RAP1GDS1: variants seen among roughly 807,000 people sequenced by gnomAD.
RAP1GDS1 encodes RAP1, GTP-GDP dissociation stimulator 1.
Under a neutral mutation model 71.1 loss-of-function variants are expected in RAP1GDS1, and 35 were observed. The ratio of observed to expected loss-of-function variants is 0.49; its 90% CI spans 0.38 to 0.65. The LOEUF is 0.65. Among genes scored for constraint, RAP1GDS1 ranks in the 30% least tolerant of loss-of-function variants. The pLI is 0.00. For missense variants in RAP1GDS1, 663 were observed against 706.1 expected, an observed-to-expected ratio of 0.94 and a Z score of 0.69; for synonymous variants, 229 against 243.1, an observed-to-expected ratio of 0.94 and a Z score of 0.54.
At chr4:98,300,553 C>A (rs113147501) in intron 2 of RAP1GDS1, among the ~76,000 whole-genome samples, 4 of 152,148 alleles carry the variant, frequency 2.6e-5, no homozygotes, top group African/African-American at 9.6e-5. Flanking sequence ...ATGCCCACCA[C>A]CACACCCAGC....
At chr4:98,392,257 G>T (rs950958026) in intron 6 of RAP1GDS1, 177 bp downstream of exon 6, 1 of 559,446 alleles carries the variant, frequency 1.8e-6, no homozygotes, top group Non-Finnish European at 2.9e-6. Flanking sequence ...TCTTATGATT[G>T]CATTGTTTAT....
chr4:98,343,605 ATGTT>A (rs1207558000), intron 3 of RAP1GDS1, among the ~76,000 whole-genome samples: 1 of 152,152 alleles, frequency 6.6e-6, no homozygotes, highest in Non-Finnish European at 1.5e-5. Flanking sequence ...TTAAATATTT[ATGTT>A]TGTTTGTGTT....
At chr4:98,402,794 CT>C (rs1284707396) in intron 6 of RAP1GDS1, among the ~76,000 whole-genome samples, 1 of 152,172 alleles carries the variant, frequency 6.6e-6, no homozygotes, top group Non-Finnish European at 1.5e-5. Flanking sequence ...TGGACACCTG[CT>C]TTATACCAGG....
chr4:98,441,379 T>C, intron 14 of RAP1GDS1: 4 of 985,036 alleles, frequency 4.1e-6, no homozygotes, highest in Non-Finnish European at 4.8e-6. Context: ...GGGAGTCCAG[T>C]GTCACAGAAA....
chr4:98,442,207 A>G lies in RAP1GDS1; in HGVS notation c.*90A>G. ...CTTCCGCTTCATTCTCTACCATACC[A>G]CTTGTGCATGCATGTGATGTTCTAA... is the stretch of plus-strand genomic sequence containing the variant. On this transcript the variant is annotated 3_prime_UTR_variant, in exon 15 of 15. Transcript: ENST00000408927. 2 of 1,500,968 alleles carry G rather than the reference A, an allele frequency of 1.3e-6. No individual in the cohort carries two copies. Among genetic ancestry groups the G allele is most frequent in the Non-Finnish European group, 1.8e-6 (2 of 1,113,024 alleles). 93.0% of individuals were successfully genotyped at this position (1,500,968 alleles called of 1,614,324 possible).
intron 2 of RAP1GDS1, among the ~76,000 whole-genome samples, chr4:98,329,439 C>G (rs1440923775): frequency 6.6e-6 from 1 of 151,682 alleles, no homozygotes; most frequent in Non-Finnish European, 1.5e-5. Context: ...TATTAGTGTT[C>G]TAGAAAAAAA....
chr4:98,398,348 T>C (rs1484227675), intron 6 of RAP1GDS1, among the ~76,000 whole-genome samples: 1 of 152,028 alleles, frequency 6.6e-6, no homozygotes, highest in African/African-American at 2.4e-5. Flanking sequence ...AAATACAAAA[T>C]TTCCTACATT....
intron 12 of RAP1GDS1, 70 bp from the exon 13 acceptor site, chr4:98,433,866 G>T: frequency 6.9e-7 from 1 of 1,441,992 alleles, no homozygotes. Context: ...ACAATGAGTT[G>T]ACTGATTTTA....
intron 5 of RAP1GDS1, among the ~76,000 whole-genome samples, chr4:98,382,971 A>T (rs1202371446): frequency 1.3e-5 from 2 of 151,624 alleles, no homozygotes; most frequent in Non-Finnish European, 3.0e-5. Flanking sequence ...CCCATAGGTG[A>T]TCCACAAGCG....
intron 2 of RAP1GDS1, among the ~76,000 whole-genome samples, chr4:98,296,439 G>A (rs1396447693): frequency 6.6e-6 from 1 of 151,494 alleles, no homozygotes; most frequent in African/African-American, 2.4e-5. Flanking sequence ...TATACTATAT[G>A]TGTCTATCTT....
chr4:98,321,759 C>T (rs1303698544), intron 2 of RAP1GDS1, among the ~76,000 whole-genome samples: 2 of 119,102 alleles, frequency 1.7e-5, no homozygotes, highest in Non-Finnish European at 3.4e-5. Context: ...TAAAAGAGCT[C>T]CTGAAGGAAG....
intron 4 of RAP1GDS1, among the ~76,000 whole-genome samples, chr4:98,372,112 C>T (rs750827105): frequency 1.2e-4 from 18 of 151,974 alleles, no homozygotes; most frequent in African/African-American, 3.1e-4. Context: ...CCTCTTTGTC[C>T]GCCTTTTTTT....
chr4:98,331,280 G>A (rs1733971474), intron 2 of RAP1GDS1, among the ~76,000 whole-genome samples: 1 of 151,676 alleles, frequency 6.6e-6, no homozygotes, highest in African/African-American at 2.4e-5. Flanking sequence ...GGGAGACCAT[G>A]GAAAGCGGGA....
At chr4:98,402,807 A>C (rs1223698451) in intron 6 of RAP1GDS1, among the ~76,000 whole-genome samples, 2 of 152,188 alleles carry the variant, frequency 1.3e-5, no homozygotes, top group Admixed American at 1.3e-4. Context: ...TATACCAGGG[A>C]CTATTCTGTG....
intron 12 of RAP1GDS1, among the ~76,000 whole-genome samples, chr4:98,430,606 C>A (rs1750262319): frequency 6.6e-6 from 1 of 152,140 alleles, no homozygotes; most frequent in Admixed American, 6.5e-5. Context: ...ACTAAAGAAA[C>A]CTCTTTAATT....
chr4:98,274,720 T>G (rs1397482683), intron 1 of RAP1GDS1, among the ~76,000 whole-genome samples: 3 of 152,182 alleles, frequency 2.0e-5, no homozygotes, highest in Admixed American at 6.5e-5. Flanking sequence ...TTCCGTGATT[T>G]CAAGCTTGGA....
chr4:98,367,433 C>A (rs1264305146), intron 4 of RAP1GDS1, among the ~76,000 whole-genome samples: 2 of 152,166 alleles, frequency 1.3e-5, no homozygotes, highest in African/African-American at 2.4e-5. Context: ...GGGTTGGACC[C>A]CCGCACAGAG....
intron 1 of RAP1GDS1, among the ~76,000 whole-genome samples, chr4:98,276,559 A>G (rs1262469834): frequency 6.6e-6 from 1 of 150,768 alleles, no homozygotes; most frequent in Non-Finnish European, 1.5e-5. Flanking sequence ...TATTTTTCTT[A>G]AAGTATGTCT....
chr4:98,404,530 C>T lies in RAP1GDS1; in HGVS notation c.691C>T (p.Leu231Phe). The T allele has an allele frequency of 6.8e-6, 11 of 1,607,992 alleles. No homozygotes were observed. Among genetic ancestry groups the T allele is most frequent in the Non-Finnish European group, 9.3e-6 (11 of 1,177,404 alleles). Reference protein sequence around the residue: ...STNIAEELVKLFKKQIEHDKR... With the variant: ...STNIAEELVKFFKKQIEHDKR... ...AAACATTGCTGAAGAGCTAGTAAAA[C>T]TCTTCAAGAAACAAATAGAACATGA... The change falls in exon 7 of 15, where the codon CTC (leucine) becomes TTC (phenylalanine). Residue 231 changes from leucine (L) to phenylalanine (F), a missense_variant. Physicochemically the swap from Leu to Phe is conservative, Grantham distance 22. Transcript: ENST00000408927.
Sources: allele counts gnomAD v4.1 joint callset (sites outside exome capture counted in the v4.1 genomes callset), GRCh38; gene constraint gnomAD v4.1.1; transcripts MANE v1.5; gene names NCBI Gene and HGNC (gene_info 2026-07-23, HGNC 2026-07-21).